TCF4: variants seen among roughly 807,000 people sequenced by gnomAD.
The protein encoded by TCF4 is SL3-3 enhancer factor 2.
Under a neutral mutation model 82.1 loss-of-function variants are expected in TCF4, and 3 were observed. The ratio of observed to expected loss-of-function variants is 0.04; its 90% CI spans 0.02 to 0.09. TCF4 has a LOEUF of 0.09. Among genes scored for constraint, TCF4 ranks in the 10% least tolerant of loss-of-function variants. The probability of loss-of-function intolerance (pLI) is 1.00; values close to 1 mark genes in which losing one functional copy is unlikely to be tolerated. For missense variants in TCF4, 518 were observed against 852.7 expected, an observed-to-expected ratio of 0.61 and a Z score of 4.89; for synonymous variants, 276 against 309.6, an observed-to-expected ratio of 0.89 and a Z score of 1.14.
chr18:55,555,788 G>T (rs1293956893), intron 3 of TCF4, among the ~76,000 whole-genome samples: 1 of 152,080 alleles, frequency 6.6e-6, no homozygotes, highest in African/African-American at 2.4e-5. Flanking sequence ...CAGCTTAATA[G>T]CTGTCTAAAT....
At chr18:55,554,734 T>C (rs1445566221) in intron 3 of TCF4, among the ~76,000 whole-genome samples, 1 of 152,220 alleles carries the variant, frequency 6.6e-6, no homozygotes, top group East Asian at 1.9e-4. Flanking sequence ...GGCCCTGGCA[T>C]CACCTGGAAT....
intron 11 of TCF4, chr18:55,265,073 C>G (rs1168863746): frequency 6.6e-6 from 1 of 152,138 alleles, no homozygotes; most frequent in Non-Finnish European, 1.5e-5. Flanking sequence ...AATGTTCATT[C>G]CCATTAGAAC....
chr18:55,320,235 A>G (rs961526963), intron 8 of TCF4, among the ~76,000 whole-genome samples: 7 of 152,162 alleles, frequency 4.6e-5, no homozygotes, highest in Admixed American at 2.6e-4. Flanking sequence ...TTATGTTTAC[A>G]GATTTAAACA....
intron 3 of TCF4, among the ~76,000 whole-genome samples, chr18:55,505,052 G>T (rs1363716655): frequency 2.0e-5 from 3 of 152,138 alleles, no homozygotes; most frequent in African/African-American, 7.2e-5. Context: ...AAGACAGTTA[G>T]GATACATTTT....
intron 6 of TCF4, among the ~76,000 whole-genome samples, chr18:55,378,246 A>T (rs1287149066): frequency 6.6e-6 from 1 of 152,168 alleles, no homozygotes; most frequent in Non-Finnish European, 1.5e-5. Flanking sequence ...TGTGCACCCA[A>T]AGTTGAAGAT....
chr18:55,401,575 C>T, intron 6 of TCF4: 1 of 987,546 alleles, frequency 1.0e-6, no homozygotes. Flanking sequence ...CTTTCCACTT[C>T]TCACCTTGTG....
upstream of TCF4, among the ~76,000 whole-genome samples, chr18:55,591,882 G>A (rs1437258746): frequency 6.6e-6 from 1 of 152,144 alleles, no homozygotes; most frequent in Non-Finnish European, 1.5e-5. Context: ...ATGAAGTTTG[G>A]GATCTAAAGG....
At chr18:55,431,290 G>GT (rs1222365013) in intron 5 of TCF4, among the ~76,000 whole-genome samples, 2 of 151,870 alleles carry the variant, frequency 1.3e-5, no homozygotes, top group African/African-American at 2.4e-5. Context: ...CTTGTTTTTT[G>GT]TTTTTTCAGA....
intron 3 of TCF4, among the ~76,000 whole-genome samples, chr18:55,477,459 TATA>T (rs2096315998): frequency 2.0e-5 from 3 of 152,336 alleles, no homozygotes; most frequent in African/African-American, 7.2e-5. Flanking sequence ...TGTACGGTGT[TATA>T]ATGACTGAGT....
Position 55,513,459 on chromosome 18 carries a change from G to C in TCF4, c.146-49322C>G, listed in dbSNP as rs533896470. ...GGTGCCACAATGACTGTGTGAATGA[G>C]TCAGAATATGCATTACCAAATAGTG... On this transcript the variant is annotated intron_variant, in intron 3 of 19. Transcript: ENST00000354452. Among the ~76,000 whole-genome samples, 14 of 150,174 alleles carry C rather than the reference G, an allele frequency of 9.3e-5. No homozygotes were observed. In the South Asian group the frequency reaches 2.5e-3, roughly 27 times the overall value.
At chr18:55,415,791 T>C (rs1012224390) in intron 5 of TCF4, among the ~76,000 whole-genome samples, 2 of 152,340 alleles carry the variant, frequency 1.3e-5, no homozygotes, top group African/African-American at 4.8e-5. Context: ...GACTTATTTG[T>C]AATGCAAGGA....
At chr18:55,580,444 G>A (rs144180596) in intron 3 of TCF4, among the ~76,000 whole-genome samples, 165 of 151,958 alleles carry the variant, frequency 1.1e-3, no homozygotes, top group African/African-American at 3.0e-3. Context: ...CATCCATGTA[G>A]ACTATCAACT....
intron 14 of TCF4, among the ~76,000 whole-genome samples, chr18:55,255,194 A>G (rs573041813): frequency 6.6e-6 from 1 of 152,310 alleles, no homozygotes; most frequent in African/African-American, 2.4e-5. Flanking sequence ...GAGACAGGGA[A>G]AAGCAAATGG....
chr18:55,323,884 C>G (rs902291454), intron 8 of TCF4, among the ~76,000 whole-genome samples: 6 of 152,202 alleles, frequency 3.9e-5, no homozygotes, highest in Non-Finnish European at 5.9e-5. Flanking sequence ...GATCTCTAAA[C>G]TCTTTTGATA....
At position 55,621,857 on chromosome 18, in the gene TCF4, ATAT is replaced by A. The variant is rs537683129; in HGVS notation, c.286+9438_286+9440del. On this transcript the variant is annotated intron_variant, in intron 2 of 20. Transcript: ENST00000398339. ...ATACACTATATACAATGTATGTATT[ATAT>A]TATATATACACTATATATAATATAT... 1.6e-3 allele frequency among the ~76,000 whole-genome samples: 168 copies of A among 103,370 alleles called. 1 individual carries two copies. Among genetic ancestry groups the A allele is most frequent in the African/African-American group, 6.4e-3 (162 of 25,276 alleles). 67.8% of individuals were successfully genotyped at this position (103,370 alleles called of 152,430 possible).
chr18:55,434,824 G>A (rs2095295391), intron 5 of TCF4, among the ~76,000 whole-genome samples: 1 of 137,146 alleles, frequency 7.3e-6, no homozygotes, highest in Non-Finnish European at 1.6e-5. Flanking sequence ...GTACATAGTG[G>A]GTATATATGA....
Position 55,484,775 on chromosome 18 carries a change from G to A in TCF4, c.146-20638C>T, listed in dbSNP as rs529505320. Among the ~76,000 whole-genome samples, 7 of 152,318 alleles carry A rather than the reference G, an allele frequency of 4.6e-5. No homozygotes were observed. The South Asian group carries it at 1.5e-3, about 32-fold the overall frequency. The stretch of plus-strand genomic sequence containing the variant: ...CATGACTTCCTTTTTTATTCAGAAT[G>A]TGAGTTTATCAGAAGATACAATGAC... On this transcript the variant is annotated intron_variant, in intron 3 of 19. Coordinates refer to ENST00000354452, the MANE Select transcript of TCF4 (RefSeq NM_001083962.2).
chr18:55,480,450 T>A (rs897142454), intron 3 of TCF4, among the ~76,000 whole-genome samples: 5 of 152,044 alleles, frequency 3.3e-5, no homozygotes, highest in Admixed American at 6.6e-5. Context: ...CTTACGAAAA[T>A]AAAATACAGT....
chr18:55,615,456 G>A (rs2097710873), intron 2 of TCF4, among the ~76,000 whole-genome samples: 1 of 151,550 alleles, frequency 6.6e-6, no homozygotes, highest in South Asian at 2.1e-4. Context: ...TGCTACATAG[G>A]TGATCATGTC....
Sources: gnomAD v4.1 joint callset for allele counts (sites outside exome capture counted in the v4.1 genomes callset) on GRCh38, gnomAD v4.1.1 for gene constraint, MANE v1.5 for transcripts, NCBI Gene and HGNC (gene_info 2026-07-23, HGNC 2026-07-21) for gene names.